GRIN3A: variants seen among roughly 807,000 people sequenced by gnomAD.
The protein encoded by GRIN3A is glutamate ionotropic receptor NMDA type subunit 3A.
A neutral mutation model predicts 92.4 loss-of-function variants in GRIN3A; 47 were observed. The ratio of observed to expected loss-of-function variants is 0.51; its 90% confidence interval spans 0.40 to 0.65. The LOEUF is 0.65. Ranked by LOEUF, GRIN3A falls within the 30% of genes least tolerant of loss-of-function variation. The probability of loss-of-function intolerance (pLI) is 0.00; values close to 1 mark genes in which losing one functional copy is unlikely to be tolerated. For missense variants in GRIN3A, 1,324 were observed against 1,393.1 expected (o/e 0.95, Z 0.79); for synonymous variants, 527 against 540.6 (o/e 0.97, Z 0.35).
intron 2 of GRIN3A, 33 bp downstream of exon 2, chr9:101,686,563 G>A (rs1298536000): frequency 6.2e-7 from 1 of 1,612,754 alleles, no homozygotes; most frequent in African/African-American, 1.3e-5. Flanking sequence ...ATGGCCCTAT[G>A]AATGGGGATA....
chr9:101,639,656 C>T (rs1828831492), intron 3 of GRIN3A, among the ~76,000 whole-genome samples: 1 of 152,204 alleles, frequency 6.6e-6, no homozygotes, highest in Admixed American at 6.5e-5. Context: ...TACTCAAATC[C>T]TCATGGCATA....
At chr9:101,648,082 C>CT (rs1418596347) in intron 3 of GRIN3A, among the ~76,000 whole-genome samples, 5 of 151,472 alleles carry the variant, frequency 3.3e-5, no homozygotes, top group Admixed American at 1.3e-4. Context: ...GGAAATCTTG[C>CT]TTTTTTGGTG....
intron 3 of GRIN3A, among the ~76,000 whole-genome samples, chr9:101,640,476 A>G (rs1828841917): frequency 6.6e-6 from 1 of 152,226 alleles, no homozygotes; most frequent in African/African-American, 2.4e-5. Flanking sequence ...AGTGAGATTA[A>G]GCAATTTGGC....
At chr9:101,737,140 A>C (rs927375816) in intron 1 of GRIN3A, 141 bp downstream of exon 1, 10 of 716,844 alleles carry the variant, frequency 1.4e-5, no homozygotes, top group African/African-American at 1.2e-4. Context: ...ACCTACGAAC[A>C]TGGCCCAATC....
chr9:101,679,466 C>T (rs1040443289), intron 2 of GRIN3A, among the ~76,000 whole-genome samples: 2 of 152,072 alleles, frequency 1.3e-5, no homozygotes, highest in African/African-American at 2.4e-5. Context: ...TGAGTCCCCC[C>T]GACCCCGCCC....
chr9:101,693,291 G>T (rs1053003127), intron 1 of GRIN3A, among the ~76,000 whole-genome samples: 1 of 150,342 alleles, frequency 6.7e-6, no homozygotes, highest in Admixed American at 6.6e-5. Context: ...GGGGTCACAC[G>T]TGCCTGTAAT....
intron 1 of GRIN3A, among the ~76,000 whole-genome samples, chr9:101,707,736 G>A (rs1269156751): frequency 6.6e-6 from 1 of 152,064 alleles, no homozygotes; most frequent in Non-Finnish European, 1.5e-5. Flanking sequence ...CTTAATTGTG[G>A]CAAGCAACCA....
At chr9:101,731,337 A>T (rs1006250832) in intron 1 of GRIN3A, among the ~76,000 whole-genome samples, 1 of 152,198 alleles carries the variant, frequency 6.6e-6, no homozygotes, top group Non-Finnish European at 1.5e-5. Flanking sequence ...CTATTTCTCC[A>T]TATTTTGTCT....
chr9:101,660,355 T>G (rs1187818029), intron 3 of GRIN3A, among the ~76,000 whole-genome samples: 2 of 151,852 alleles, frequency 1.3e-5, no homozygotes, highest in Non-Finnish European at 1.5e-5. Context: ...GGGTCACCTT[T>G]GGACATAATT....
chr9:101,689,028 G>A (rs1247277306), intron 1 of GRIN3A, among the ~76,000 whole-genome samples: 3 of 152,102 alleles, frequency 2.0e-5, no homozygotes, highest in African/African-American at 4.8e-5. Context: ...AGAAATGGAA[G>A]CTTCATTTCC....
intron 2 of GRIN3A, among the ~76,000 whole-genome samples, chr9:101,683,590 T>G (rs1422312684): frequency 6.6e-6 from 1 of 152,202 alleles, no homozygotes; most frequent in Non-Finnish European, 1.5e-5. Context: ...CCTGAATACT[T>G]TTCAAACTTT....
chr9:101,628,505 T>C, intron 3 of GRIN3A, 104 bp from the exon 4 acceptor site: 1 of 1,163,416 alleles, frequency 8.6e-7, no homozygotes, highest in Non-Finnish European at 1.2e-6. Context: ...TTCGGAACTT[T>C]TCTAACCCCC....
intron 2 of GRIN3A, 70 bp from the exon 3 acceptor site, chr9:101,671,177 T>C (rs1015083823): frequency 3.8e-5 from 39 of 1,039,146 alleles, no homozygotes; most frequent in Admixed American, 6.8e-5. Flanking sequence ...AGTGTTCAGC[T>C]TTGCTTCCTT....
At chr9:101,587,064 C>CT (rs1487874417) in intron 6 of GRIN3A, among the ~76,000 whole-genome samples, 1 of 152,176 alleles carries the variant, frequency 6.6e-6, no homozygotes, top group Admixed American at 6.5e-5. Context: ...AATCCTAACA[C>CT]TTTGGGAGGC....
chr9:101,705,512 C>T (rs769871150), intron 1 of GRIN3A, among the ~76,000 whole-genome samples: 3 of 152,136 alleles, frequency 2.0e-5, no homozygotes, highest in Non-Finnish European at 4.4e-5. Flanking sequence ...TCCAGGATGC[C>T]GGCCAAGAAT....
intron 1 of GRIN3A, among the ~76,000 whole-genome samples, chr9:101,716,948 G>A (rs1413681059): frequency 6.6e-6 from 1 of 152,132 alleles, no homozygotes; most frequent in Non-Finnish European, 1.5e-5. Flanking sequence ...GTAGCTGGCT[G>A]GCTGCTGTAG....
chr9:101,713,534 T>C (rs1447050793), intron 1 of GRIN3A, among the ~76,000 whole-genome samples: 3 of 152,282 alleles, frequency 2.0e-5, no homozygotes, highest in African/African-American at 7.2e-5. Flanking sequence ...CAGCAGAGGA[T>C]AAATAAATTC....
chr9:101,646,601 C>T (rs1167467972), intron 3 of GRIN3A, among the ~76,000 whole-genome samples: 1 of 139,796 alleles, frequency 7.2e-6, no homozygotes, highest in Non-Finnish European at 1.6e-5. Flanking sequence ...TTGTAGATCA[C>T]TTTGGGTAGT....
In GRIN3A at chr9:101,686,991, G is replaced by A; in HGVS notation, c.909C>T (p.Ser303=). 6.2e-7 allele frequency: 1 copy of A among 1,614,188 alleles called. No individual in the cohort carries two copies. Among genetic ancestry groups the A allele is most frequent in the Non-Finnish European group, 8.5e-7 (1 of 1,180,000 alleles). The stretch of plus-strand genomic sequence containing the variant: ...GTAGGAAGCTCAAGAGGTCCTGGGT[G>A]GAGGGGAGGTTAGCGGTGATGTTGA... ...SIINITANLP[S]TQDLLSFLQI... Residue 303 remains serine (S), a synonymous_variant, in exon 2 of 9, where the codon TCC becomes TCT. Transcript: ENST00000361820.
Sources: gnomAD v4.1 joint callset for allele counts (sites outside exome capture counted in the v4.1 genomes callset) on GRCh38, gnomAD v4.1.1 for gene constraint, MANE v1.5 for transcripts, NCBI Gene and HGNC (gene_info 2026-07-23, HGNC 2026-07-21) for gene names.